ZMYND8: variants seen among roughly 807,000 people sequenced by gnomAD.
The protein encoded by ZMYND8 is zinc finger MYND-type containing 8.
Under a neutral mutation model 140.8 loss-of-function variants are expected in ZMYND8, and 37 were observed. The observed-to-expected ratio is 0.26, with a 90% confidence interval of 0.20 to 0.35. The LOEUF is 0.35. Ranked by LOEUF, ZMYND8 falls within the 10% of genes least tolerant of loss-of-function variation. ZMYND8 has a pLI of 1.00. For synonymous variants in ZMYND8, 592 were observed against 597.1 expected (o/e 0.99, Z 0.12); for missense variants, 1,068 against 1,570.0 (o/e 0.68, Z 5.40).
chr20:47,356,593 C>T (rs2083259088), intron 1 of ZMYND8, 64 bp downstream of exon 1: 1 of 1,614,034 alleles, frequency 6.2e-7, no homozygotes, highest in South Asian at 1.1e-5. Flanking sequence ...AATCACACTG[C>T]TCGCCCACAA....
At chr20:47,348,331 G>A in intron 1 of ZMYND8, 1 of 230,886 alleles carries the variant, frequency 4.3e-6, no homozygotes, top group Admixed American at 5.6e-5. Context: ...TCTGATCGCT[G>A]AATACTTTAG....
intron 5 of ZMYND8, among the ~76,000 whole-genome samples, chr20:47,294,276 T>C (rs1375389193): frequency 2.0e-5 from 3 of 151,580 alleles, no homozygotes; most frequent in Non-Finnish European, 4.4e-5. Flanking sequence ...CACTTGAACC[T>C]GGGAGGCAGA....
At chr20:47,329,959 T>C (rs2080793629) in intron 2 of ZMYND8, among the ~76,000 whole-genome samples, 1 of 152,212 alleles carries the variant, frequency 6.6e-6, no homozygotes, top group Non-Finnish European at 1.5e-5. Context: ...TTAGTATGCA[T>C]ACGAATTTCT....
chr20:47,218,564 TA>T (rs899156217), intron 21 of ZMYND8, among the ~76,000 whole-genome samples: 31 of 152,260 alleles, frequency 2.0e-4, no homozygotes, highest in African/African-American at 7.5e-4. Flanking sequence ...ATGAAAACCT[TA>T]AATTAAAAGT....
chr20:47,325,365 A>G (rs1366541179), intron 2 of ZMYND8, among the ~76,000 whole-genome samples: 2 of 152,154 alleles, frequency 1.3e-5, no homozygotes, highest in Admixed American at 6.6e-5. Flanking sequence ...CCCAAAGTAC[A>G]TATCAGACCG....
intron 2 of ZMYND8, among the ~76,000 whole-genome samples, chr20:47,340,520 G>A (rs993435009): frequency 6.6e-5 from 10 of 151,958 alleles, no homozygotes; most frequent in Admixed American, 1.3e-4. Flanking sequence ...GGCCGGAGGC[G>A]TGGTGGCTCA....
At chr20:47,266,067 A>G (rs1230293681) in intron 11 of ZMYND8, among the ~76,000 whole-genome samples, 1 of 152,104 alleles carries the variant, frequency 6.6e-6, no homozygotes, top group East Asian at 1.9e-4. Context: ...GAGAGTCACT[A>G]GCAACCCACA....
chr20:47,221,241 C>T (rs1325501515), intron 20 of ZMYND8, 73 bp downstream of exon 20: 5 of 1,568,262 alleles, frequency 3.2e-6, no homozygotes, highest in Non-Finnish European at 4.3e-6. Flanking sequence ...TTCAGGGCGG[C>T]AGACAGGGGG....
In ZMYND8 at chr20:47,282,082, A is replaced by G; in HGVS notation, c.998+20T>C. 1 of 1,601,884 alleles carries G rather than the reference A, an allele frequency of 6.2e-7. No homozygotes were observed. Among genetic ancestry groups the G allele is most frequent in the African/African-American group, 1.3e-5 (1 of 74,528 alleles). On this transcript the variant is annotated intron_variant, in intron 10 of 22. Coordinates refer to ENST00000471951, the MANE Select transcript of ZMYND8 (RefSeq NM_001281775.3). ...AGTTCAGTGAAAGCTACATGTTCCA[A>G]GCCTGTTATTAACTCCCACCTGTCA...
Position 47,221,388 on chromosome 20 carries a change from ATTGTGT to A in ZMYND8, c.3337_3342del (p.Thr1113_Gln1114del), listed in dbSNP as rs2036916452. On this transcript the variant is annotated inframe_deletion, in exon 20 of 23. Coordinates refer to ENST00000471951, the MANE Select transcript of ZMYND8 (RefSeq NM_001281775.3). Reference sequence around the variant, plus strand: ...GCGCTGGCCGTTTCTGAAGGTGCTGATTGTGTGCTCGAGGAGCTCCCCTGGGAGGAC... The same window carrying A: ...GCGCTGGCCGTTTCTGAAGGTGCTGAGCTCGAGGAGCTCCCCTGGGAGGAC... 5 of 1,614,084 alleles carry A rather than the reference ATTGTGT, an allele frequency of 3.1e-6. No homozygotes were observed. Among genetic ancestry groups the A allele is most frequent in the Non-Finnish European group, 4.2e-6 (5 of 1,180,008 alleles).
At chr20:47,320,427 A>C (rs911341355) in intron 2 of ZMYND8, 6 of 152,500 alleles carry the variant, frequency 3.9e-5, no homozygotes, top group African/African-American at 1.4e-4. Context: ...CCACCACGTA[A>C]AGATGCTGCG....
Position 47,356,699 on chromosome 20 carries a change from T to C in ZMYND8, c.-29A>G. ...TAACACTGTGTAATGTCAATACTTA[T>C]AAAACATGGAGGACAGGCTCCTAGT... On this transcript the variant is annotated 5_prime_UTR_variant, in exon 1 of 23. Transcript: ENST00000471951. 7 of 1,614,182 alleles carry C rather than the reference T, an allele frequency of 4.3e-6. No homozygotes were observed. The highest frequency in any genetic ancestry group is 4.2e-6 in the Non-Finnish European group (5 of 1,180,024).
At chr20:47,240,769 T>A (rs2039865523) in intron 14 of ZMYND8, among the ~76,000 whole-genome samples, 1 of 151,370 alleles carries the variant, frequency 6.6e-6, no homozygotes, top group Admixed American at 6.6e-5. Context: ...TTGCCCAGGC[T>A]GGTCTTGAAC....
chr20:47,298,525 C>T lies in ZMYND8; in HGVS notation c.453+204G>A, dbSNP rs1036926928. On this transcript the variant is annotated intron_variant, in intron 4 of 22. Coordinates refer to ENST00000471951, the MANE Select transcript of ZMYND8 (RefSeq NM_001281775.3). The surrounding 1 kb of genome is among the most constrained non-coding windows in gnomAD (Gnocchi z 5.0). ...CTCATGAGAAATCAGAAATAATATTCCGTGCAATTGTCTTTCCAAGAGCTG... is the reference window on the plus strand; with the variant it reads ...CTCATGAGAAATCAGAAATAATATTTCGTGCAATTGTCTTTCCAAGAGCTG... 7 of 985,286 alleles carry T rather than the reference C, an allele frequency of 7.1e-6. No homozygotes were observed. The African/African-American group carries it at 1.2e-4, about 17-fold the overall frequency. The allele number at this position is 985,286 out of a possible 1,614,324, so 61.0% of individuals were successfully genotyped here.
chr20:47,310,186 C>G lies in ZMYND8; in HGVS notation c.104G>C (p.Arg35Thr), dbSNP rs745723560. The change falls in exon 3 of 23, where the codon AGA (arginine) becomes ACA (threonine). Residue 35 changes from arginine (R) to threonine (T), a missense_variant. Around this residue, in one of 10 missense-constraint regions of ZMYND8, gnomAD observed 77 missense variants for 85.1 expected, o/e 0.91. Transcript: ENST00000471951. ...TRSKDPGSAE[R>T]TAQKRKFPSP... ...GGGGAACTTTCTTTTCTGGGCTGTT[C>G]TCTCTGCAGAGCCAGGATCTGAAAG... 14 of 1,608,862 alleles carry G rather than the reference C, an allele frequency of 8.7e-6. No homozygotes were observed. The East Asian group carries it at 2.2e-4, about 26-fold the overall frequency.
At chr20:47,238,667 A>C in intron 15 of ZMYND8, 91 bp downstream of exon 15, 1 of 1,468,482 alleles carries the variant, frequency 6.8e-7, no homozygotes. Context: ...ACGAGAACTA[A>C]AAAAAAAAAA....
At chr20:47,342,299 C>T (rs897243850) in intron 2 of ZMYND8, among the ~76,000 whole-genome samples, 54 of 152,106 alleles carry the variant, frequency 3.6e-4, no homozygotes, top group Non-Finnish European at 7.4e-5. Flanking sequence ...AATCCCAGCA[C>T]TTTGGGAGGC....
At chr20:47,213,366 T>TAAGA (rs2035568214) in intron 21 of ZMYND8, among the ~76,000 whole-genome samples, 1 of 151,982 alleles carries the variant, frequency 6.6e-6, no homozygotes, top group South Asian at 2.1e-4. Context: ...CAATTGAAAG[T>TAAGA]AAGATCAAGA....
chr20:47,338,704 G>A lies in ZMYND8; in HGVS notation c.85+9152C>T, dbSNP rs151285297. Among the ~76,000 whole-genome samples, 547 of 152,188 alleles carry A rather than the reference G, an allele frequency of 3.6e-3. 5 individuals carry two copies. Among genetic ancestry groups the A allele is most frequent in the African/African-American group, 0.012 (514 of 41,522 alleles). ...GCACGAGAGCTCAGTTTCACATAAC[G>A]ACAACCACCCCAGAGAATCCTTGGG... On this transcript the variant is annotated intron_variant, in intron 2 of 22. Transcript: ENST00000471951.
Sources: allele counts gnomAD v4.1 joint callset (sites outside exome capture counted in the v4.1 genomes callset), GRCh38; gene constraint gnomAD v4.1.1; regional missense constraint gnomAD v4.1.1; non-coding constraint Gnocchi (gnomAD v3.1); transcripts MANE v1.5; gene names NCBI Gene and HGNC (gene_info 2026-07-23, HGNC 2026-07-21).